NKAIN3: variants seen among roughly 807,000 people sequenced by gnomAD.
NKAIN3 encodes sodium/potassium transporting ATPase interacting 3, also known as sodium/potassium-transporting ATPase subunit beta-1-interacting protein 3.
In NKAIN3, 25 loss-of-function variants were observed where a neutral mutation model predicts 30.2. That is an observed-to-expected ratio of 0.83 (90% confidence interval 0.60 to 1.16). The LOEUF (loss-of-function observed/expected upper bound fraction) is 1.16. NKAIN3 is among the 50% of genes most tolerant of loss of function. The pLI, the probability that NKAIN3 is intolerant of heterozygous loss-of-function variation, is 0.00. For missense variants in NKAIN3, 225 were observed against 254.1 expected (o/e 0.89, Z 0.78); for synonymous variants, 91 against 89.6 (o/e 1.02, Z -0.09).
chr8:62,638,706 C>A (rs1812212668), intron 3 of NKAIN3, among the ~76,000 whole-genome samples: 2 of 152,100 alleles, frequency 1.3e-5, no homozygotes, highest in South Asian at 4.1e-4. Context: ...AAAAAGCCAG[C>A]CCATTCCTAC....
At chr8:62,457,373 G>C (rs543718462) in intron 1 of NKAIN3, among the ~76,000 whole-genome samples, 1 of 152,310 alleles carries the variant, frequency 6.6e-6, no homozygotes, top group Non-Finnish European at 1.5e-5. Flanking sequence ...CAAAGCCCTT[G>C]CAAAGTATCA....
At chr8:62,861,062 T>A (rs1820223672) in intron 4 of NKAIN3, among the ~76,000 whole-genome samples, 1 of 152,234 alleles carries the variant, frequency 6.6e-6, no homozygotes, top group African/African-American at 2.4e-5. Context: ...ATTTGTAGAA[T>A]TCCCAGTCCT....
At chr8:62,463,076 T>G (rs1002886605) in intron 1 of NKAIN3, among the ~76,000 whole-genome samples, 1 of 152,238 alleles carries the variant, frequency 6.6e-6, no homozygotes, top group Non-Finnish European at 1.5e-5. Flanking sequence ...TATGAACTTA[T>G]TTGTTCTACC....
chr8:62,501,085 CTATT>C (rs1178173712), intron 1 of NKAIN3, among the ~76,000 whole-genome samples: 3 of 152,026 alleles, frequency 2.0e-5, no homozygotes, highest in Non-Finnish European at 2.9e-5. Context: ...TCCATTTATG[CTATT>C]TATTTCCACT....
chr8:62,608,441 A>C (rs1400303285), intron 3 of NKAIN3, among the ~76,000 whole-genome samples: 1 of 152,206 alleles, frequency 6.6e-6, no homozygotes, highest in African/African-American at 2.4e-5. Context: ...ATAAAAATGT[A>C]CATGAATGGA....
At chr8:62,471,422 T>C (rs2129600029) in intron 1 of NKAIN3, among the ~76,000 whole-genome samples, 1 of 152,306 alleles carries the variant, frequency 6.6e-6, no homozygotes, top group South Asian at 2.1e-4. Context: ...TGAAATGTTT[T>C]GTAAGTTCTG....
chr8:62,576,662 C>T (rs1810119298), intron 1 of NKAIN3, among the ~76,000 whole-genome samples: 1 of 152,040 alleles, frequency 6.6e-6, no homozygotes, highest in Non-Finnish European at 1.5e-5. Flanking sequence ...TTCTGATTTC[C>T]ATTTTGCAAA....
chr8:62,790,210 A>G (rs982302703), intron 4 of NKAIN3, among the ~76,000 whole-genome samples: 1 of 152,166 alleles, frequency 6.6e-6, no homozygotes, highest in African/African-American at 2.4e-5. Context: ...AAAGACAAAA[A>G]CCACATGATT....
At chr8:62,303,411 A>G (rs1428008938) in intron 1 of NKAIN3, among the ~76,000 whole-genome samples, 1 of 150,604 alleles carries the variant, frequency 6.6e-6, no homozygotes, top group Non-Finnish European at 1.5e-5. Context: ...TTGTTTGCTA[A>G]CAGTGAACTG....
chr8:62,959,996 A>G (rs1823525953), intron 6 of NKAIN3, among the ~76,000 whole-genome samples: 1 of 152,158 alleles, frequency 6.6e-6, no homozygotes, highest in Non-Finnish European at 1.5e-5. Flanking sequence ...TCCCTTTGTC[A>G]CTGACATTAA....
In NKAIN3 at chr8:62,559,349, ATG is replaced by A. The variant is rs1809498935; in HGVS notation, c.55-20186_55-20185del. On this transcript the variant is annotated intron_variant, in intron 1 of 6. Transcript: ENST00000623646. ...TGAGTTTTTTGTAGATAACATACAG[ATG>A]TGTTTTTTAATCTACTCTGACAATT... is the stretch of plus-strand genomic sequence containing the variant. 2.0e-5 allele frequency among the ~76,000 whole-genome samples: 3 copies of A among 151,934 alleles called. No homozygotes were observed. In the South Asian group the frequency reaches 6.2e-4, roughly 31 times the overall value.
chr8:62,275,296 G>A (rs1326509338), intron 1 of NKAIN3, among the ~76,000 whole-genome samples: 1 of 152,176 alleles, frequency 6.6e-6, no homozygotes, highest in Non-Finnish European at 1.5e-5. Flanking sequence ...TCTAACTGGT[G>A]TGAGATGGTA....
chr8:62,265,232 C>CT (rs1176305853), intron 1 of NKAIN3, among the ~76,000 whole-genome samples: 2 of 152,192 alleles, frequency 1.3e-5, no homozygotes, highest in Non-Finnish European at 2.9e-5. Flanking sequence ...TACTTCTTTG[C>CT]TTTTCTCTTC....
chr8:62,854,136 G>C (rs890115238), intron 4 of NKAIN3, among the ~76,000 whole-genome samples: 11 of 152,190 alleles, frequency 7.2e-5, no homozygotes, highest in Admixed American at 1.3e-4. Flanking sequence ...ATCAATTTTA[G>C]AGTAAGTTCC....
intron 4 of NKAIN3, among the ~76,000 whole-genome samples, chr8:62,869,028 C>G (rs1051864286): frequency 6.6e-6 from 1 of 152,282 alleles, no homozygotes; most frequent in Middle Eastern, 3.4e-3. Flanking sequence ...GCCTGATAAT[C>G]GCAACTACGC....
chr8:62,989,299 C>T (rs1287509656), downstream of NKAIN3, among the ~76,000 whole-genome samples: 1 of 152,164 alleles, frequency 6.6e-6, no homozygotes, highest in African/African-American at 2.4e-5. Flanking sequence ...TGTTCTCACT[C>T]TACTAATAAA....
intron 5 of NKAIN3, among the ~76,000 whole-genome samples, chr8:62,925,733 TG>T (rs1822415620): frequency 6.6e-6 from 1 of 152,218 alleles, no homozygotes. Flanking sequence ...ATGATGCTTT[TG>T]GGTGGGGGTG....
chr8:62,880,547 T>C (rs1820944145), intron 4 of NKAIN3, among the ~76,000 whole-genome samples: 1 of 152,206 alleles, frequency 6.6e-6, no homozygotes. Flanking sequence ...CACAGTTAAA[T>C]TGAGAAGATT....
chr8:62,531,042 T>C (rs1456584321), intron 1 of NKAIN3, among the ~76,000 whole-genome samples: 3 of 152,194 alleles, frequency 2.0e-5, no homozygotes, highest in Non-Finnish European at 2.9e-5. Flanking sequence ...GTTTGCATAA[T>C]GTTCATATGT....
Sources: allele counts gnomAD v4.1 joint callset (sites outside exome capture counted in the v4.1 genomes callset), GRCh38; gene constraint gnomAD v4.1.1; transcripts MANE v1.5; gene names NCBI Gene and HGNC (gene_info 2026-07-23, HGNC 2026-07-21).